Variants in AKAP1 observed in about 807,000 individuals in gnomAD.
AKAP1 encodes the protein A-kinase anchoring protein 1.
Under a neutral mutation model 79.8 loss-of-function variants are expected in AKAP1, and 32 were observed. The ratio of observed to expected loss-of-function variants is 0.40; its 90% CI spans 0.30 to 0.54. AKAP1 has a LOEUF of 0.54. AKAP1 is among the 20% of genes least tolerant of loss of function. The pLI is 0.47. For synonymous variants in AKAP1, 416 were observed against 466.7 expected, an observed-to-expected ratio of 0.89 and a Z score of 1.40; for missense variants, 961 against 1,138.9, an observed-to-expected ratio of 0.84 and a Z score of 2.25.
chr17:57,099,661 A>C (rs1914361543), intron 1 of AKAP1, among the ~76,000 whole-genome samples: 1 of 152,100 alleles, frequency 6.6e-6, no homozygotes, highest in Non-Finnish European at 1.5e-5. Flanking sequence ...GAGGGCTTAG[A>C]GCCTCAGTCT....
rs144426651 is a variant in AKAP1 at position 57,110,170 on chromosome 17, G to A, written c.1848+12G>A. On this transcript the variant is annotated intron_variant, in intron 3 of 10. Coordinates refer to ENST00000337714, the MANE Select transcript of AKAP1 (RefSeq NM_003488.4). ...TCGAGGTGCCAAAGGTAGGGGCGGA[G>A]TCCCCCAGGCTGGTTCTGTGGTAAG... 1,257 of 1,613,462 alleles carry A rather than the reference G, an allele frequency of 7.8e-4. 5 individuals are homozygous for A. In the African/African-American group the frequency reaches 0.015, roughly 19 times the overall value.
rs1196416814 is a variant in AKAP1, at chr17:57,106,685, A to T, written c.1221A>T (p.Thr407=). 2 of 1,613,982 alleles carry T rather than the reference A, an allele frequency of 1.2e-6. No homozygotes were observed. Among genetic ancestry groups the T allele is most frequent in the African/African-American group, 2.7e-5 (2 of 74,924 alleles). Residue 407 remains threonine, a synonymous_variant, in exon 2 of 11, where the codon ACA becomes ACT. Coordinates refer to ENST00000337714, the MANE Select transcript of AKAP1 (RefSeq NM_003488.4). ...VLGPDTAEPA[T]AEAAVAPPDA... ...GCCCAGACACTGCGGAGCCTGCCAC[A>T]GCAGAGGCAGCTGTTGCCCCGCCGG...
At chr17:57,115,356 A>G (rs1229973956) in intron 6 of AKAP1, among the ~76,000 whole-genome samples, 3 of 152,176 alleles carry the variant, frequency 2.0e-5, no homozygotes, top group Admixed American at 1.3e-4. Context: ...TGGCTTCTCT[A>G]AAGTTGCCTT....
chr17:57,120,184 AT>A, intron 10 of AKAP1, 65 bp from the exon 11 acceptor site: 1 of 1,492,052 alleles, frequency 6.7e-7, no homozygotes, highest in Non-Finnish European at 9.2e-7. Flanking sequence ...GGGAGAACTC[AT>A]GTTGGCTAGG....
intron 2 of AKAP1, 28 bp from the exon 3 acceptor site, chr17:57,109,997 T>C (rs1034376507): frequency 1.2e-6 from 2 of 1,612,428 alleles, no homozygotes; most frequent in East Asian, 2.2e-5. Context: ...TCTGTGTGTG[T>C]GCGTGCCTGC....
rs1188712786 is a variant in AKAP1, at chr17:57,105,746, A to G, written c.282A>G (p.Ala94=). 1.9e-6 allele frequency: 3 copies of G among 1,614,052 alleles called. No homozygotes were observed. Among genetic ancestry groups the G allele is most frequent in the Non-Finnish European group, 2.5e-6 (3 of 1,180,050 alleles). The part of the protein sequence containing the change: ...TVSKLPAEPP[A]LLQTHPPCRR... ...GCAAGCTGCCTGCAGAGCCCCCAGC[A>G]TTGCTCCAGACACACCCACCTTGCC... Residue 94 remains alanine, a synonymous_variant, in exon 2 of 11, where the codon GCA becomes GCG. Coordinates refer to ENST00000337714, the MANE Select transcript of AKAP1 (RefSeq NM_003488.4).
chr17:57,088,803 G>A (rs1289884450), intron 1 of AKAP1, among the ~76,000 whole-genome samples: 3 of 152,178 alleles, frequency 2.0e-5, no homozygotes, highest in East Asian at 1.9e-4. Context: ...TCCACATTCT[G>A]TCCGGGTCTT....
chr17:57,114,215 G>A (rs1451305868), intron 5 of AKAP1, among the ~76,000 whole-genome samples: 1 of 152,188 alleles, frequency 6.6e-6, no homozygotes, highest in Non-Finnish European at 1.5e-5. Context: ...CTCCCTGCCT[G>A]GCCCTGAGGT....
At chr17:57,116,054 C>G in intron 6 of AKAP1, 57 bp from the exon 7 acceptor site, 1 of 1,581,616 alleles carries the variant, frequency 6.3e-7, no homozygotes, top group South Asian at 1.1e-5. Flanking sequence ...GGCCAGGTGG[C>G]CCTTGGTGCC....
Position 57,086,397 on chromosome 17 carries a change from T to C in AKAP1, c.-25+999T>C. On this transcript the variant is annotated intron_variant, in intron 1 of 10. Transcript: ENST00000337714. This position sits in a 1 kb window ranked among gnomAD's most constrained non-coding sequence, Gnocchi z 5.1. The stretch of plus-strand genomic sequence containing the variant: ...GGGAGGGATAGGAGAAGAAAGGTGC[T>C]GATCGTGGTAGGCGGTGCTGTGGCG... 1 of 456,026 alleles carries C rather than the reference T, an allele frequency of 2.2e-6. No homozygotes were observed. The highest frequency in any genetic ancestry group is 4.4e-6 in the Non-Finnish European group (1 of 226,544). 28.2% of individuals were successfully genotyped at this position (456,026 alleles called of 1,614,324 possible). A position where few individuals can be genotyped will look rare whatever the true frequency, so the allele number is the denominator to read the frequency against.
intron 2 of AKAP1, chr17:57,108,128 C>A: frequency 1.3e-6 from 1 of 772,270 alleles, no homozygotes; most frequent in Non-Finnish European, 1.7e-6. Context: ...ACGAATATCC[C>A]GAGTGGCTCT....
At position 57,086,474 on chromosome 17, in the gene AKAP1, G is replaced by A. The variant is rs1567893300; in HGVS notation, c.-25+1076G>A. 2 of 455,768 alleles carry A rather than the reference G, an allele frequency of 4.4e-6. No homozygotes were observed. Among genetic ancestry groups the A allele is most frequent in the Non-Finnish European group, 8.8e-6 (2 of 226,640 alleles). The allele number at this position is 455,768 out of a possible 1,614,324, so 28.2% of individuals were successfully genotyped here. On this transcript the variant is annotated intron_variant, in intron 1 of 10. Transcript: ENST00000337714. The surrounding 1 kb of genome is among the most constrained non-coding windows in gnomAD (Gnocchi z 5.1). ...CGTTTCGGGATCTTCCTCTCCTGGG[G>A]GATGTCCTGGGTGGCGGCGCCTTCC...
intron 1 of AKAP1, among the ~76,000 whole-genome samples, chr17:57,087,582 C>G (rs1913539782): frequency 1.3e-5 from 2 of 152,206 alleles, no homozygotes; most frequent in Admixed American, 1.3e-4. Context: ...AAATGGAGAT[C>G]ATATTTGTGA....
chr17:57,117,028 A>G (rs1031915308), intron 8 of AKAP1, 101 bp downstream of exon 8: 61 of 1,222,974 alleles, frequency 5.0e-5, no homozygotes, highest in Non-Finnish European at 7.0e-5. Context: ...TTATGCTAAC[A>G]TAAGTTGCTA....
intron 1 of AKAP1, among the ~76,000 whole-genome samples, chr17:57,091,217 G>C (rs992051125): frequency 6.6e-6 from 1 of 152,218 alleles, no homozygotes; most frequent in African/African-American, 2.4e-5. Flanking sequence ...CTGTCTCTGG[G>C]AGAAAAGGCC....
chr17:57,115,510 G>A (rs565307820), intron 6 of AKAP1, among the ~76,000 whole-genome samples: 1 of 152,298 alleles, frequency 6.6e-6, no homozygotes, highest in African/African-American at 2.4e-5. Flanking sequence ...TGCTGGGAAC[G>A]TTTACCTCCT....
chr17:57,118,349 C>T, intron 8 of AKAP1, 32 bp from the exon 9 acceptor site: 7 of 1,609,964 alleles, frequency 4.3e-6, no homozygotes, highest in Non-Finnish European at 5.1e-6. Context: ...TCAGTGAGAG[C>T]CTAAATGCCG....
chr17:57,100,757 A>G (rs1365406481), intron 1 of AKAP1, among the ~76,000 whole-genome samples: 1 of 152,082 alleles, frequency 6.6e-6, no homozygotes, highest in South Asian at 2.1e-4. Context: ...ACACTCCCCT[A>G]TCCATTGCAG....
rs1437352965 is a variant in AKAP1, at chr17:57,087,248, G to A, written c.-25+1850G>A. Among the ~76,000 whole-genome samples the A allele has an allele frequency of 2.0e-5, 3 of 152,226 alleles. No homozygotes were observed. The East Asian group carries it at 5.8e-4, about 29-fold the overall frequency. On this transcript the variant is annotated intron_variant, in intron 1 of 10. Coordinates refer to ENST00000337714, the MANE Select transcript of AKAP1 (RefSeq NM_003488.4). ...AGGTAACAGATCCTAGCCAATGAGT[G>A]AGACAGGTCTAATGGATTTGTGTCT...
Sources: gnomAD v4.1 joint callset for allele counts (sites outside exome capture counted in the v4.1 genomes callset) on GRCh38, gnomAD v4.1.1 for gene constraint, Gnocchi (gnomAD v3.1) non-coding constraint, MANE v1.5 for transcripts, NCBI Gene and HGNC (gene_info 2026-07-23, HGNC 2026-07-21) for gene names.